The following CC2D2A variants were observed in gnomAD, a reference collection of about 807,000 sequenced individuals.
The protein encoded by CC2D2A is coiled-coil and C2 domain-containing protein 2A.
A neutral mutation model predicts 212.9 loss-of-function variants in CC2D2A; 155 were observed. That is an observed-to-expected ratio of 0.73 (90% CI 0.64 to 0.83). The LOEUF (loss-of-function observed/expected upper bound fraction) is 0.83. CC2D2A is among the 40% of genes least tolerant of loss of function. The pLI is 0.00. For synonymous variants in CC2D2A, 667 were observed against 686.5 expected (o/e 0.97, Z 0.44); for missense variants, 1,856 against 1,956.2 (o/e 0.95, Z 0.97).
At chr4:15,530,290 C>G (rs1383901635) in intron 13 of CC2D2A, among the ~76,000 whole-genome samples, 1 of 152,102 alleles carries the variant, frequency 6.6e-6, no homozygotes, top group Non-Finnish European at 1.5e-5. Context: ...TCAATGTATA[C>G]TTTTCTTTTT....
intron 24 of CC2D2A, among the ~76,000 whole-genome samples, chr4:15,566,440 C>G (rs539363916): frequency 1.3e-5 from 2 of 152,230 alleles, no homozygotes; most frequent in Non-Finnish European, 2.9e-5. Flanking sequence ...TTGAGGCTCT[C>G]ATCTATGGAG....
intron 1 of CC2D2A, among the ~76,000 whole-genome samples, chr4:15,471,839 C>T (rs138608638): frequency 2.0e-3 from 304 of 152,204 alleles, no homozygotes; most frequent in Middle Eastern, 6.8e-3. Flanking sequence ...AGTTGAGATG[C>T]GTTGTATCTC....
chr4:15,568,544 C>T (rs1283990901), intron 26 of CC2D2A, among the ~76,000 whole-genome samples: 8 of 152,168 alleles, frequency 5.3e-5, no homozygotes, highest in Non-Finnish European at 1.2e-4. Flanking sequence ...GTCAAGATCA[C>T]GCCACTGCAC....
intron 16 of CC2D2A, among the ~76,000 whole-genome samples, chr4:15,540,075 C>G (rs181253364): frequency 6.6e-6 from 1 of 152,008 alleles, no homozygotes; most frequent in Non-Finnish European, 1.5e-5. Context: ...ATAAACATTA[C>G]GTTATGTTAT....
At chr4:15,600,451 C>G (rs1721532799) in intron 36 of CC2D2A, among the ~76,000 whole-genome samples, 1 of 152,226 alleles carries the variant, frequency 6.6e-6, no homozygotes, top group African/African-American at 2.4e-5. Flanking sequence ...CTCATGGAAG[C>G]AAATGCTGGA....
Position 15,519,632 on chromosome 4 carries a change from G to T in CC2D2A, c.1149+2876G>T, listed in dbSNP as rs1015909428. ...TGGACTTACAGTTCCACATGGCTGG[G>T]GAGGCCTCACAATCATGGTGGAAGA... On this transcript the variant is annotated intron_variant, in intron 11 of 36. Coordinates refer to ENST00000424120, the MANE Select transcript of CC2D2A (RefSeq NM_001378615.1). 9.3e-6 allele frequency: 4 copies of T among 431,370 alleles called. No homozygotes were observed. The East Asian group carries it at 2.9e-4, about 31-fold the overall frequency. 26.7% of individuals were successfully genotyped at this position (431,370 alleles called of 1,614,324 possible).
At position 15,560,903 on chromosome 4, in the gene CC2D2A, C is replaced by T. The variant is rs138308149; in HGVS notation, c.3014+281C>T. 8.7e-3 allele frequency among the ~76,000 whole-genome samples: 1,327 copies of T among 152,310 alleles called. 17 individuals are homozygous for T. The highest frequency in any genetic ancestry group is 0.028 in the African/African-American group (1,162 of 41,568). On this transcript the variant is annotated intron_variant, in intron 23 of 36. Transcript: ENST00000424120. The stretch of plus-strand genomic sequence containing the variant: ...CATTAGCCTTTGCCATTTTCTCATT[C>T]CCGTTGAACTAAACCTGACAGCATT...
intron 4 of CC2D2A, among the ~76,000 whole-genome samples, chr4:15,482,864 A>G (rs1272926780): frequency 5.5e-5 from 8 of 145,826 alleles, no homozygotes; most frequent in Non-Finnish European, 7.8e-5. Context: ...CACCATGGAG[A>G]TGATCTATGC....
intron 23 of CC2D2A, chr4:15,561,474 A>C (rs1355790593): frequency 6.6e-6 from 1 of 152,208 alleles, no homozygotes; most frequent in East Asian, 1.9e-4. Flanking sequence ...CCCACAGTCC[A>C]GTCATTGAAT....
At chr4:15,551,148 T>C (rs1484452400) in intron 18 of CC2D2A, among the ~76,000 whole-genome samples, 168 bp downstream of exon 18, 2 of 152,218 alleles carry the variant, frequency 1.3e-5, no homozygotes, top group Non-Finnish European at 2.9e-5. Flanking sequence ...TTTTATATAC[T>C]GTTGGTGACA....
chr4:15,493,752 T>G (rs572702286), intron 4 of CC2D2A, among the ~76,000 whole-genome samples: 1 of 152,320 alleles, frequency 6.6e-6, no homozygotes, highest in East Asian at 1.9e-4. Context: ...TTTGTTTTGT[T>G]TACTGCCCTA....
In CC2D2A at chr4:15,592,109, C is replaced by T. The variant is rs929813611; in HGVS notation, c.4314+2430C>T. On this transcript the variant is annotated intron_variant, in intron 33 of 36. Transcript: ENST00000424120. The stretch of plus-strand genomic sequence containing the variant: ...TGTCAGTCTTTTTCCTCCTGTCATT[C>T]CTTTTCCAAGGAATAAGTCTCTTCC... Among the ~76,000 whole-genome samples the T allele has an allele frequency of 2.0e-5, 3 of 152,270 alleles. No individual in the cohort carries two copies. The South Asian group carries it at 6.2e-4, about 32-fold the overall frequency.
intron 24 of CC2D2A, among the ~76,000 whole-genome samples, chr4:15,565,163 AAGCTC>A (rs1719823752): frequency 6.6e-6 from 1 of 152,194 alleles, no homozygotes; most frequent in South Asian, 2.1e-4. Flanking sequence ...GATTGCCTCA[AAGCTC>A]AACTGGGGTG....
In CC2D2A at chr4:15,480,729, T is replaced by A. The variant is rs765810643; in HGVS notation, c.149T>A (p.Met50Lys). 2.4e-5 allele frequency: 39 copies of A among 1,611,684 alleles called. No individual in the cohort carries two copies. In the East Asian group the frequency reaches 7.4e-4, roughly 30 times the overall value. Residue 50 changes from methionine (M) to lysine (K), a missense_variant, in exon 4 of 37, where the codon ATG becomes AAG. Physicochemically the swap from Met to Lys is moderately conservative, Grantham distance 95. Transcript: ENST00000424120. Reference sequence around the variant, plus strand: ...CCACCAACTGCTGTCCCCAAGGAAATGGTGTCCGAAAAATCCCACCTTGGC... The same window carrying A: ...CCACCAACTGCTGTCCCCAAGGAAAAGGTGTCCGAAAAATCCCACCTTGGC... ...KQPPTAVPKE[M>K]VSEKSHLGNP...
chr4:15,558,611 G>A lies in CC2D2A; in HGVS notation c.2830-554G>A, dbSNP rs939122752. Reference sequence around the variant, plus strand: ...TTCAGCCAGCAGAGGTGTGTCCCCCGAGCCTGAGTTAGGTACCACTACCAG... The same window carrying A: ...TTCAGCCAGCAGAGGTGTGTCCCCCAAGCCTGAGTTAGGTACCACTACCAG... On this transcript the variant is annotated intron_variant, in intron 21 of 36. Coordinates refer to ENST00000424120, the MANE Select transcript of CC2D2A (RefSeq NM_001378615.1). 4.6e-5 allele frequency among the ~76,000 whole-genome samples: 7 copies of A among 151,802 alleles called. No homozygotes were observed. In the South Asian group the frequency reaches 6.3e-4, roughly 14 times the overall value.
At chr4:15,529,335 T>C (rs1444039645) in intron 13 of CC2D2A, among the ~76,000 whole-genome samples, 1 of 151,736 alleles carries the variant, frequency 6.6e-6, no homozygotes, top group African/African-American at 2.4e-5. Context: ...TGAGCTAGGA[T>C]TGCACCATTG....
chr4:15,597,280 A>C, intron 34 of CC2D2A, 127 bp from the exon 35 acceptor site: 24 of 702,280 alleles, frequency 3.4e-5, no homozygotes, highest in Non-Finnish European at 5.6e-5. Context: ...TGGGTACATC[A>C]GCATGCATTA....
intron 16 of CC2D2A, among the ~76,000 whole-genome samples, chr4:15,539,657 C>G (rs780078448): frequency 6.6e-6 from 1 of 152,142 alleles, no homozygotes; most frequent in Non-Finnish European, 1.5e-5. Context: ...TTCCCCTGCA[C>G]TAAGTAAGCA....
intron 4 of CC2D2A, among the ~76,000 whole-genome samples, chr4:15,490,460 G>A (rs1715235817): frequency 6.6e-6 from 1 of 152,208 alleles, no homozygotes; most frequent in Admixed American, 6.5e-5. Context: ...AAGTATTGTA[G>A]CATGTATCCA....
Sources: allele counts gnomAD v4.1 joint callset (sites outside exome capture counted in the v4.1 genomes callset), GRCh38; gene constraint gnomAD v4.1.1; transcripts MANE v1.5; gene names NCBI Gene and HGNC (gene_info 2026-07-23, HGNC 2026-07-21).